Variants in DPH6 observed in about 807,000 individuals in gnomAD.
The protein encoded by DPH6 is diphthine--ammonia ligase.
Under a neutral mutation model 38.2 loss-of-function variants are expected in DPH6, and 33 were observed. That is an observed-to-expected ratio of 0.86 (90% CI 0.65 to 1.15). The LOEUF is 1.15. DPH6 is among the 50% of genes most tolerant of loss of function. The probability of loss-of-function intolerance (pLI) is 0.00; values close to 1 mark genes in which losing one functional copy is unlikely to be tolerated. For synonymous variants in DPH6, 108 were observed against 103.0 expected (o/e 1.05, Z -0.30); for missense variants, 325 against 320.0 (o/e 1.02, Z -0.12).
intron 3 of DPH6, among the ~76,000 whole-genome samples, chr15:35,255,175 G>GT (rs2051699248): frequency 6.6e-6 from 1 of 152,160 alleles, no homozygotes; most frequent in African/African-American, 2.4e-5. Flanking sequence ...AAACAAGGCA[G>GT]TATCACACTT....
intron 3 of DPH6, among the ~76,000 whole-genome samples, chr15:35,523,894 C>A (rs2054960821): frequency 6.6e-6 from 1 of 152,066 alleles, no homozygotes; most frequent in African/African-American, 2.4e-5. Context: ...CCTCTTCTCA[C>A]AGAACCATGA....
chr15:35,166,921 A>C, the DPH6 span, among the ~76,000 whole-genome samples: 1 of 151,952 alleles, frequency 6.6e-6, no homozygotes, highest in Non-Finnish European at 1.5e-5. Context: ...GAGAGATAAG[A>C]CATGACTTTG....
chr15:35,538,137 CA>C, intron 3 of DPH6, 136 bp downstream of exon 3: 5 of 730,348 alleles, frequency 6.8e-6, no homozygotes, highest in African/African-American at 1.8e-5. Flanking sequence ...TTTTTCTAAC[CA>C]AAAAAAGACA....
chr15:35,448,782 T>C (rs565090144), intron 5 of DPH6, among the ~76,000 whole-genome samples: 1 of 152,188 alleles, frequency 6.6e-6, no homozygotes, highest in South Asian at 2.1e-4. Flanking sequence ...CCTTAAAACA[T>C]TATAATGAAA....
chr15:35,409,623 TTC>T (rs1284129094), intron 6 of DPH6, among the ~76,000 whole-genome samples: 1 of 151,962 alleles, frequency 6.6e-6, no homozygotes, highest in East Asian at 1.9e-4. Context: ...ACTTCTGAAT[TTC>T]TCTTTCATTT....
chr15:35,251,114 A>G (rs1378472438), intron 3 of DPH6, among the ~76,000 whole-genome samples: 1 of 152,174 alleles, frequency 6.6e-6, no homozygotes, highest in African/African-American at 2.4e-5. Flanking sequence ...ACTAAGTTGA[A>G]TACTGTTTAT....
chr15:35,376,377 G>A (rs1217326278), intron 7 of DPH6, among the ~76,000 whole-genome samples: 2 of 152,072 alleles, frequency 1.3e-5, no homozygotes, highest in African/African-American at 2.4e-5. Flanking sequence ...ATACAGTCAC[G>A]TGCCACATAA....
intron 3 of DPH6, 135 bp from the exon 4 acceptor site, chr15:35,454,955 A>C: frequency 1.8e-6 from 1 of 565,302 alleles, no homozygotes; most frequent in Non-Finnish European, 3.0e-6. Flanking sequence ...TGAAAATATA[A>C]TCGACATTCA....
At chr15:35,237,312 A>T (rs1566846489) in intron 3 of DPH6, 3 of 1,582,100 alleles carry the variant, frequency 1.9e-6, no homozygotes, top group Middle Eastern at 1.7e-4. Flanking sequence ...GAGCCTCTGC[A>T]GAGAACGCGA....
intron 3 of DPH6, among the ~76,000 whole-genome samples, chr15:35,348,137 A>C (rs1176245790): frequency 6.6e-6 from 1 of 152,106 alleles, no homozygotes; most frequent in African/African-American, 2.4e-5. Flanking sequence ...TTGCTGCACC[A>C]AAGTTTTAAA....
At chr15:35,527,266 C>A (rs2055017677) in intron 3 of DPH6, among the ~76,000 whole-genome samples, 1 of 152,016 alleles carries the variant, frequency 6.6e-6, no homozygotes, top group Non-Finnish European at 1.5e-5. Context: ...ATGAGGATGA[C>A]AGGCTCTCAA....
intron 3 of DPH6, among the ~76,000 whole-genome samples, chr15:35,223,144 G>A (rs893867732): frequency 3.9e-5 from 6 of 152,154 alleles, no homozygotes; most frequent in Non-Finnish European, 7.4e-5. Flanking sequence ...TTAGTTTACA[G>A]TTTTGGAGGC....
intron 3 of DPH6, among the ~76,000 whole-genome samples, chr15:35,461,365 A>T (rs1595384942): frequency 6.6e-6 from 1 of 152,292 alleles, no homozygotes; most frequent in South Asian, 2.1e-4. Flanking sequence ...GAGCTACTGT[A>T]CCCAGCCAGA....
intron 6 of DPH6, among the ~76,000 whole-genome samples, chr15:35,389,176 T>G (rs1286382412): frequency 6.6e-6 from 1 of 152,216 alleles, no homozygotes; most frequent in Non-Finnish European, 1.5e-5. Context: ...AATCCTGAGT[T>G]CTAGTTTGAT....
At chr15:35,526,366 T>A (rs981868228) in intron 3 of DPH6, among the ~76,000 whole-genome samples, 1 of 152,158 alleles carries the variant, frequency 6.6e-6, no homozygotes, top group Non-Finnish European at 1.5e-5. Flanking sequence ...ATTGTCAATG[T>A]CTTTTGAAAG....
At chr15:35,257,540 A>G (rs553570731) in intron 3 of DPH6, among the ~76,000 whole-genome samples, 1 of 152,360 alleles carries the variant, frequency 6.6e-6, no homozygotes, top group East Asian at 1.9e-4. Context: ...CTTGGAAAGT[A>G]TAACAACCTC....
chr15:35,394,684 C>T (rs73378706), intron 6 of DPH6, among the ~76,000 whole-genome samples: 4,461 of 152,192 alleles, frequency 0.029, 216 homozygotes, highest in African/African-American at 0.1. Flanking sequence ...GTTATGTAAG[C>T]GCTTTCTCTG....
At position 35,406,585 on chromosome 15, in the gene DPH6, T is replaced by C. The variant is rs141707865; in HGVS notation, c.567+4250A>G. On this transcript the variant is annotated intron_variant, in intron 6 of 8. Coordinates refer to ENST00000256538, the MANE Select transcript of DPH6 (RefSeq NM_080650.4). ...GACTGTGAGGATAAAAAGGAGGAAA[T>C]AGTAAGATATTAAGAAGGTAGAATT... Among the ~76,000 whole-genome samples the C allele has an allele frequency of 1.2e-3, 180 of 151,824 alleles. 1 individual carries two copies. The highest frequency in any genetic ancestry group is 4.1e-3 in the African/African-American group (170 of 41,420).
the DPH6 span, among the ~76,000 whole-genome samples, chr15:35,168,437 C>T: frequency 6.6e-5 from 10 of 151,892 alleles, no homozygotes; most frequent in Non-Finnish European, 1.0e-4. Context: ...TCCTCTTTAC[C>T]GATAATTTAA....
Sources: gnomAD v4.1 joint callset for allele counts (sites outside exome capture counted in the v4.1 genomes callset) on GRCh38, gnomAD v4.1.1 for gene constraint, MANE v1.5 for transcripts, NCBI Gene and HGNC (gene_info 2026-07-23, HGNC 2026-07-21) for gene names.